Variants in SFI1 observed in about 807,000 individuals in gnomAD.
The protein encoded by SFI1 is protein SFI1 homolog.
SFI1 carries 195 observed loss-of-function variants against 207.5 expected under a neutral mutation model. That is an observed-to-expected ratio of 0.94 (90% CI 0.84 to 1.06). The LOEUF (loss-of-function observed/expected upper bound fraction) is 1.06. Among genes scored for constraint, SFI1 ranks in the 50% least tolerant of loss-of-function variants. The pLI is 0.00. For missense variants in SFI1, 1,634 were observed against 1,588.0 expected (o/e 1.03, Z -0.49); for synonymous variants, 630 against 598.9 (o/e 1.05, Z -0.76).
intron 29 of SFI1, chr22:31,615,565 C>T (rs1215501985): frequency 8.6e-6 from 3 of 350,548 alleles, no homozygotes; most frequent in Non-Finnish European, 1.5e-5. Context: ...ACGTAGGGTC[C>T]TGCAGGCCAC....
At chr22:31,544,193 A>T (rs560255251) in intron 4 of SFI1, among the ~76,000 whole-genome samples, 11 of 152,250 alleles carry the variant, frequency 7.2e-5, no homozygotes, top group Non-Finnish European at 1.5e-4. Flanking sequence ...TCTCAAAAAA[A>T]TTTTTAAAAA....
intron 1 of SFI1, among the ~76,000 whole-genome samples, chr22:31,506,337 T>C (rs1317349079): frequency 6.6e-6 from 1 of 152,130 alleles, no homozygotes; most frequent in African/African-American, 2.4e-5. Flanking sequence ...CGTGAGCCAC[T>C]GTGCCTGGCC....
At chr22:31,587,319 TTGAGACA>T (rs1603233249) in intron 14 of SFI1, 2 of 409,028 alleles carry the variant, frequency 4.9e-6, no homozygotes, top group Admixed American at 2.4e-5. Flanking sequence ...TGTTTTGTTT[TTGAGACA>T]GGTTTCACTT....
intron 1 of SFI1, among the ~76,000 whole-genome samples, chr22:31,502,376 ATT>A (rs771135776): frequency 5.6e-5 from 8 of 143,346 alleles, no homozygotes; most frequent in Non-Finnish European, 7.7e-5. Context: ...TTCAGGTTCA[ATT>A]TTTTTTTTTT....
intron 23 of SFI1, 92 bp from the exon 24 acceptor site, chr22:31,611,674 C>T (rs2147261799): frequency 2.3e-6 from 3 of 1,283,912 alleles, no homozygotes; most frequent in Non-Finnish European, 3.2e-6. Context: ...GGAGGACATT[C>T]AGCTGGGCAG....
intron 2 of SFI1, among the ~76,000 whole-genome samples, chr22:31,511,996 A>G (rs1187881311): frequency 6.6e-6 from 1 of 152,180 alleles, no homozygotes; most frequent in Non-Finnish European, 1.5e-5. Context: ...GGGAAAATGT[A>G]TCGTTTAAGA....
At position 31,561,500 on chromosome 22, in the gene SFI1, G is replaced by T. The variant is rs539360163; in HGVS notation, c.765+108G>T. On this transcript the variant is annotated intron_variant, in intron 8 of 32. Coordinates refer to ENST00000400288, the MANE Select transcript of SFI1 (RefSeq NM_001007467.3). ...CCTGCAGCTCAGGGCCTGAGAGGGGGTGGGGACAGAGGTAATCTGGAAGGC... is the reference window on the plus strand; with the variant it reads ...CCTGCAGCTCAGGGCCTGAGAGGGGTTGGGGACAGAGGTAATCTGGAAGGC... 2,788 of 914,330 alleles carry T rather than the reference G, an allele frequency of 3.0e-3. 13 individuals are homozygous for T. Among genetic ancestry groups the T allele is most frequent in the Non-Finnish European group, 2.9e-3 (1,750 of 612,898 alleles). 56.6% of individuals were successfully genotyped at this position (914,330 alleles called of 1,614,324 possible).
At chr22:31,534,776 T>G (rs2058817015) in intron 4 of SFI1, among the ~76,000 whole-genome samples, 2 of 146,600 alleles carry the variant, frequency 1.4e-5, no homozygotes, top group South Asian at 4.2e-4. Flanking sequence ...TAAACAAGGT[T>G]TTTTTTTTTC....
At position 31,514,507 on chromosome 22, in the gene SFI1, C is replaced by CAAA. The variant is rs776120363; in HGVS notation, c.92+6153_92+6155dup. Reference sequence around the variant, plus strand: ...TGGGCGACAGAGTGAGACTCTGTCTCAAAAAAAAAAAAAAAAAAAAAAAAT... The same window carrying CAAA: ...TGGGCGACAGAGTGAGACTCTGTCTCAAAAAAAAAAAAAAAAAAAAAAAAAAAT... On this transcript the variant is annotated intron_variant, in intron 2 of 32. Coordinates refer to ENST00000400288, the MANE Select transcript of SFI1 (RefSeq NM_001007467.3). Among the ~76,000 whole-genome samples, 474 of 48,868 alleles carry CAAA rather than the reference C, an allele frequency of 9.7e-3. 12 individuals carry two copies. Among genetic ancestry groups the CAAA allele is most frequent in the Non-Finnish European group, 0.014 (373 of 26,664 alleles). The allele number at this position is 48,868 out of a possible 152,430, so 32.1% of individuals were successfully genotyped here. A position where few individuals can be genotyped will look rare whatever the true frequency, so the allele number is the denominator to read the frequency against.
chr22:31,566,507 A>G (rs2062327509), intron 8 of SFI1, among the ~76,000 whole-genome samples: 1 of 152,254 alleles, frequency 6.6e-6, no homozygotes, highest in Non-Finnish European at 1.5e-5. Flanking sequence ...TTGATGAAGC[A>G]GTAAGCAACA....
chr22:31,573,357 T>G, intron 9 of SFI1, 143 bp downstream of exon 9: 1 of 684,996 alleles, frequency 1.5e-6, no homozygotes, highest in East Asian at 2.8e-5. Context: ...GGAAAATACA[T>G]CATCCTTGAG....
chr22:31,595,047 C>T (rs966596301), intron 15 of SFI1, among the ~76,000 whole-genome samples: 1 of 151,910 alleles, frequency 6.6e-6, no homozygotes, highest in Non-Finnish European at 1.5e-5. Flanking sequence ...CCCAGGCTGG[C>T]ATGCAGTGGC....
At chr22:31,571,606 C>T (rs756494984) in intron 8 of SFI1, among the ~76,000 whole-genome samples, 6 of 152,038 alleles carry the variant, frequency 3.9e-5, no homozygotes, top group Admixed American at 3.9e-4. Context: ...TGAGCCACCC[C>T]GCCCCACCAA....
chr22:31,609,696 C>T (rs1480858271), intron 22 of SFI1, among the ~76,000 whole-genome samples: 1 of 152,252 alleles, frequency 6.6e-6, no homozygotes, highest in African/African-American at 2.4e-5. Flanking sequence ...GGCTGCATTA[C>T]TGCGCCACGA....
intron 5 of SFI1, among the ~76,000 whole-genome samples, chr22:31,547,675 A>T (rs1027312598): frequency 8.7e-5 from 13 of 149,036 alleles, no homozygotes; most frequent in African/African-American, 3.2e-4. Flanking sequence ...GCTGGAGTGC[A>T]ATGGCGCCAT....
intron 15 of SFI1, among the ~76,000 whole-genome samples, chr22:31,599,396 G>A (rs990318718): frequency 2.0e-5 from 3 of 151,382 alleles, no homozygotes; most frequent in African/African-American, 4.9e-5. Flanking sequence ...GCACAATCTC[G>A]GCTCACTGCA....
chr22:31,593,739 A>G (rs1337322897), intron 15 of SFI1, among the ~76,000 whole-genome samples: 2 of 150,458 alleles, frequency 1.3e-5, no homozygotes, highest in Non-Finnish European at 3.0e-5. Flanking sequence ...TCCGTCTGCA[A>G]TCCTGGCACC....
At chr22:31,534,390 T>C (rs145730535) in intron 4 of SFI1, among the ~76,000 whole-genome samples, 1,761 of 152,308 alleles carry the variant, frequency 0.012, 10 homozygotes, top group Middle Eastern at 0.031. Flanking sequence ...TTTTTTGCCC[T>C]AACATTACAA....
At chr22:31,602,399 G>GC in intron 16 of SFI1, 106 bp downstream of exon 16, 2 of 1,202,660 alleles carry the variant, frequency 1.7e-6, no homozygotes, top group African/African-American at 1.5e-5. Context: ...TCACTGGAGG[G>GC]CCCCTGCCTG....
Sources: gnomAD v4.1 joint callset for allele counts (sites outside exome capture counted in the v4.1 genomes callset) on GRCh38, gnomAD v4.1.1 for gene constraint, MANE v1.5 for transcripts, NCBI Gene and HGNC (gene_info 2026-07-23, HGNC 2026-07-21) for gene names.